Variants in ELOVL6 observed in about 807,000 individuals in gnomAD.
ELOVL6 encodes the protein very long chain fatty acid elongase 6.
ELOVL6 carries 8 observed loss-of-function variants against 31.7 expected under a neutral mutation model. The ratio of observed to expected loss-of-function variants is 0.25; its 90% CI spans 0.15 to 0.45. The LOEUF (loss-of-function observed/expected upper bound fraction) is 0.45. Ranked by LOEUF, ELOVL6 falls within the 20% of genes least tolerant of loss-of-function variation. The pLI, the probability that ELOVL6 is intolerant of heterozygous loss-of-function variation, is 1.00. For synonymous variants in ELOVL6, 101 were observed against 117.7 expected (o/e 0.86, Z 0.92); for missense variants, 126 against 326.4 (o/e 0.39, Z 4.73).
At chr4:110,103,139 T>G (rs1052512709) in intron 2 of ELOVL6, among the ~76,000 whole-genome samples, 1 of 152,194 alleles carries the variant, frequency 6.6e-6, no homozygotes, top group South Asian at 2.1e-4. Context: ...CCCAGCCATG[T>G]GGAACTGTAA....
chr4:110,102,465 G>A (rs968434772), intron 2 of ELOVL6, among the ~76,000 whole-genome samples: 1 of 152,088 alleles, frequency 6.6e-6, no homozygotes, highest in Non-Finnish European at 1.5e-5. Context: ...TGACTAGCTA[G>A]GGCAACATAG....
At chr4:110,139,239 A>C (rs1757889018) in intron 1 of ELOVL6, among the ~76,000 whole-genome samples, 1 of 152,200 alleles carries the variant, frequency 6.6e-6, no homozygotes, top group African/African-American at 2.4e-5. Flanking sequence ...GGGAGCTAAA[A>C]ACATCAAATC....
rs1016526268 is a variant in ELOVL6 at position 110,084,001 on chromosome 4, T to C, written c.221+21496A>G. On this transcript the variant is annotated intron_variant, in intron 2 of 3. Coordinates refer to ENST00000302274, the MANE Select transcript of ELOVL6 (RefSeq NM_024090.3). Reference sequence around the variant, plus strand: ...TATGCCATATACGATATATAACATATGCCATATATGGTATATAACATATGC... The same window carrying C: ...TATGCCATATACGATATATAACATACGCCATATATGGTATATAACATATGC... Among the ~76,000 whole-genome samples the C allele has an allele frequency of 1.8e-3, 108 of 58,976 alleles. 12 individuals are homozygous for C. Among genetic ancestry groups the C allele is most frequent in the African/African-American group, 9.2e-3 (101 of 10,926 alleles). 38.7% of individuals were successfully genotyped at this position (58,976 alleles called of 152,430 possible). A position where few individuals can be genotyped will look rare whatever the true frequency, so the allele number is the denominator to read the frequency against.
At position 110,084,043 on chromosome 4, in the gene ELOVL6, C is replaced by CTATATATGATATATA. The variant is rs1560813672; in HGVS notation, c.221+21453_221+21454insTATATATCATATATA. Among the ~76,000 whole-genome samples, 51 of 25,568 alleles carry CTATATATGATATATA rather than the reference C, an allele frequency of 2.0e-3. 7 individuals carry two copies. Among genetic ancestry groups the CTATATATGATATATA allele is most frequent in the Admixed American group, 0.019 (40 of 2,148 alleles). The allele number at this position is 25,568 out of a possible 152,430, so 16.8% of individuals were successfully genotyped here. On this transcript the variant is annotated intron_variant, in intron 2 of 3. Transcript: ENST00000302274. ...AACATATGCCATATATGGTATATAA[C>CTATATATGATATATA]ACATGCTATATATGATATATAACAT...
intron 1 of ELOVL6, among the ~76,000 whole-genome samples, chr4:110,196,696 C>T (rs1759802490): frequency 6.6e-6 from 1 of 152,130 alleles, no homozygotes; most frequent in Admixed American, 6.5e-5. Context: ...GGCTCCGGCT[C>T]GGGCCAGACG....
At chr4:110,144,496 T>A (rs1758053336) in intron 1 of ELOVL6, among the ~76,000 whole-genome samples, 1 of 152,196 alleles carries the variant, frequency 6.6e-6, no homozygotes, top group African/African-American at 2.4e-5. Flanking sequence ...TATAAATAAT[T>A]TTTCCCTAAC....
chr4:110,084,599 T>A (rs1285971135), intron 2 of ELOVL6, among the ~76,000 whole-genome samples: 34 of 69,414 alleles, frequency 4.9e-4, no homozygotes, highest in African/African-American at 1.9e-3. Context: ...TTTTTTTTTT[T>A]TTTTTTTTTT....
At chr4:110,145,508 A>G (rs1243893728) in intron 1 of ELOVL6, among the ~76,000 whole-genome samples, 1 of 152,234 alleles carries the variant, frequency 6.6e-6, no homozygotes, top group Non-Finnish European at 1.5e-5. Flanking sequence ...ACTATGTGAT[A>G]AAGCAGTACA....
chr4:110,099,331 A>G (rs1321354536), intron 2 of ELOVL6, among the ~76,000 whole-genome samples: 2 of 152,176 alleles, frequency 1.3e-5, no homozygotes, highest in Admixed American at 1.3e-4. Context: ...AGAAAAAAAG[A>G]GAATAATTTT....
chr4:110,051,374 G>A lies in ELOVL6; in HGVS notation c.762C>T (p.Tyr254=). The A allele has an allele frequency of 6.2e-7, 1 of 1,614,158 alleles. No homozygotes were observed. Among genetic ancestry groups the A allele is most frequent in the African/African-American group, 1.3e-5 (1 of 75,032 alleles). The change falls in exon 4 of 4, where the codon TAC becomes TAT. Residue 254 remains tyrosine (Y), a synonymous_variant. Coordinates refer to ENST00000302274, the MANE Select transcript of ELOVL6 (RefSeq NM_024090.3). This position sits in a 1 kb window ranked among gnomAD's most constrained non-coding sequence, Gnocchi z 4.8. ...TCGTTGTTTTCCTCATTTTGCCGAT[G>A]TAGGCCTCAAAGAAGAAATGGCAGA... ...VLFCHFFFEA[Y]IGKMRKTTKA...
intron 2 of ELOVL6, among the ~76,000 whole-genome samples, chr4:110,078,076 A>C (rs973462599): frequency 6.6e-6 from 1 of 152,262 alleles, no homozygotes; most frequent in African/African-American, 2.4e-5. Context: ...CCTCCAAGAA[A>C]TACGGGACTA....
chr4:110,112,336 T>C (rs1013448886), intron 1 of ELOVL6, among the ~76,000 whole-genome samples: 1 of 152,222 alleles, frequency 6.6e-6, no homozygotes, highest in African/African-American at 2.4e-5. Flanking sequence ...AATATTCTCC[T>C]GTTCATAGTA....
At chr4:110,188,416 G>C (rs576605254) in intron 1 of ELOVL6, among the ~76,000 whole-genome samples, 1 of 152,026 alleles carries the variant, frequency 6.6e-6, no homozygotes, top group Non-Finnish European at 1.5e-5. Context: ...CAAATAAGAG[G>C]ATGATTGGGG....
chr4:110,101,773 C>A (rs1427573699), intron 2 of ELOVL6, among the ~76,000 whole-genome samples: 1 of 152,134 alleles, frequency 6.6e-6, no homozygotes, highest in Non-Finnish European at 1.5e-5. Flanking sequence ...TCCCCTGGCT[C>A]AGGTGACCCT....
chr4:110,053,205 G>A (rs1024958808), intron 3 of ELOVL6, among the ~76,000 whole-genome samples: 6 of 152,132 alleles, frequency 3.9e-5, no homozygotes, highest in South Asian at 2.1e-4. Context: ...GTGAGCCACC[G>A]CCCTGAGAAC....
chr4:110,155,025 T>C (rs1225272005), intron 1 of ELOVL6, among the ~76,000 whole-genome samples: 3 of 152,234 alleles, frequency 2.0e-5, no homozygotes, highest in Non-Finnish European at 4.4e-5. Context: ...AGGCACTTAA[T>C]ATATGCTTGC....
chr4:110,152,779 C>T (rs930917973), intron 1 of ELOVL6, among the ~76,000 whole-genome samples: 12 of 152,074 alleles, frequency 7.9e-5, no homozygotes, highest in African/African-American at 2.7e-4. Flanking sequence ...TGAGTGTGTG[C>T]GTACACATGC....
intron 2 of ELOVL6, among the ~76,000 whole-genome samples, chr4:110,082,411 G>T (rs1311361577): frequency 6.6e-6 from 1 of 151,700 alleles, no homozygotes; most frequent in Admixed American, 6.6e-5. Context: ...ATACTATGCA[G>T]CCATAAAAAA....
chr4:110,055,627 GAC>G (rs1326968021), intron 3 of ELOVL6, among the ~76,000 whole-genome samples: 1 of 152,116 alleles, frequency 6.6e-6, no homozygotes, highest in Admixed American at 6.5e-5. Context: ...GCCACCAAGA[GAC>G]ACAGAGAGGC....
Sources: gnomAD v4.1 joint callset for allele counts (sites outside exome capture counted in the v4.1 genomes callset) on GRCh38, gnomAD v4.1.1 for gene constraint, Gnocchi (gnomAD v3.1) non-coding constraint, MANE v1.5 for transcripts, NCBI Gene and HGNC (gene_info 2026-07-23, HGNC 2026-07-21) for gene names.